Variants in RGS6 observed in about 807,000 individuals in gnomAD.
RGS6 encodes the protein regulator of G-protein signaling 6.
Under a neutral mutation model 78.5 loss-of-function variants are expected in RGS6, and 30 were observed. The observed-to-expected ratio is 0.38, with a 90% CI of 0.29 to 0.52. The LOEUF is 0.52. Among genes scored for constraint, RGS6 ranks in the 20% least tolerant of loss-of-function variants. The probability of loss-of-function intolerance (pLI) is 0.85; values close to 1 mark genes in which losing one functional copy is unlikely to be tolerated. For missense variants in RGS6, 495 were observed against 609.7 expected (o/e 0.81, Z 1.98); for synonymous variants, 206 against 206.0 (o/e 1.00, Z 0.00).
chr14:71,936,722 GT>G (rs1278847743), intron 1 of RGS6, among the ~76,000 whole-genome samples: 1 of 152,006 alleles, frequency 6.6e-6, no homozygotes, highest in Non-Finnish European at 1.5e-5. Context: ...TAAATCTTAT[GT>G]CACATGATAA....
chr14:72,037,665 C>T (rs2091906924), intron 2 of RGS6, among the ~76,000 whole-genome samples: 1 of 151,850 alleles, frequency 6.6e-6, no homozygotes, highest in South Asian at 2.1e-4. Flanking sequence ...GATGAATTGC[C>T]TCTGCAAATT....
the RGS6 span, among the ~76,000 whole-genome samples, chr14:72,613,299 C>G: frequency 6.6e-6 from 1 of 152,148 alleles, no homozygotes; most frequent in Non-Finnish European, 1.5e-5. Context: ...ATTTGCTAGA[C>G]AGGGTTGGTG....
intron 1 of RGS6, among the ~76,000 whole-genome samples, chr14:71,949,690 C>A (rs544347549): frequency 8.0e-4 from 121 of 151,396 alleles, no homozygotes; most frequent in Non-Finnish European, 1.5e-3. Context: ...CAGTCTCTTT[C>A]TTTATGGTTA....
chr14:72,203,817 C>T (rs112964195), intron 2 of RGS6, among the ~76,000 whole-genome samples: 2 of 116,996 alleles, frequency 1.7e-5, no homozygotes, highest in African/African-American at 6.8e-5. Flanking sequence ...ACCTTTCTTT[C>T]TTTCTTTTTT....
At chr14:72,090,903 ATT>A (rs1293330519) in intron 2 of RGS6, among the ~76,000 whole-genome samples, 1 of 152,046 alleles carries the variant, frequency 6.6e-6, no homozygotes, top group Non-Finnish European at 1.5e-5. Flanking sequence ...AGTAGCTCTC[ATT>A]TCCAGGGCCC....
At chr14:72,537,168 A>G (rs982623857) in intron 16 of RGS6, among the ~76,000 whole-genome samples, 1 of 152,012 alleles carries the variant, frequency 6.6e-6, no homozygotes, top group African/African-American at 2.4e-5. Flanking sequence ...ACCAAACCCT[A>G]TGACTTCTGT....
intron 3 of RGS6, among the ~76,000 whole-genome samples, chr14:72,419,729 C>T (rs545042315): frequency 2.0e-5 from 3 of 152,122 alleles, no homozygotes; most frequent in African/African-American, 7.2e-5. Flanking sequence ...GAGAAAAGGG[C>T]AGGTGCTGAA....
chr14:72,283,066 T>C (rs943176302), intron 2 of RGS6, among the ~76,000 whole-genome samples: 2 of 152,238 alleles, frequency 1.3e-5, no homozygotes, highest in Non-Finnish European at 2.9e-5. Flanking sequence ...CTTAGCATAG[T>C]GTCCTCCAAG....
chr14:72,311,487 TA>T lies in RGS6; in HGVS notation c.85-40596del, dbSNP rs1340750294. Reference sequence around the variant, plus strand: ...GGCTGAAGGTTAAGTGAGCCTTTTGTAAAAAAAAAAAATAATAGGGAAGAAA... The same window carrying T: ...GGCTGAAGGTTAAGTGAGCCTTTTGTAAAAAAAAAAATAATAGGGAAGAAA... On this transcript the variant is annotated intron_variant, in intron 2 of 17. Transcript: ENST00000553525. Among the ~76,000 whole-genome samples the T allele has an allele frequency of 2.5e-3, 357 of 145,322 alleles. 1 individual carries two copies. The highest frequency in any genetic ancestry group is 5.6e-3 in the African/African-American group (225 of 40,000).
intron 2 of RGS6, among the ~76,000 whole-genome samples, chr14:72,077,313 A>G (rs1360302299): frequency 5.3e-5 from 8 of 152,248 alleles, no homozygotes; most frequent in Admixed American, 3.9e-4. Context: ...ATGGCTCTCT[A>G]TATAAAAAGG....
At chr14:72,322,155 C>A (rs114221064) in intron 2 of RGS6, among the ~76,000 whole-genome samples, 80 of 151,572 alleles carry the variant, frequency 5.3e-4, no homozygotes, top group African/African-American at 1.9e-3. Flanking sequence ...CTTCTACTCA[C>A]GAAATTAAAT....
intron 2 of RGS6, among the ~76,000 whole-genome samples, chr14:72,037,039 G>C (rs1026269642): frequency 6.6e-6 from 1 of 152,126 alleles, no homozygotes. Flanking sequence ...ACACCAATCA[G>C]CACTCTGTAA....
At chr14:72,550,622 C>G in intron 17 of RGS6, 1 of 1,527,978 alleles carries the variant, frequency 6.5e-7, no homozygotes, top group Non-Finnish European at 8.8e-7. Context: ...CTGGTTAATA[C>G]TAGAAGGTTC....
intron 2 of RGS6, among the ~76,000 whole-genome samples, chr14:72,059,973 G>T (rs1765936941): frequency 6.6e-6 from 1 of 152,178 alleles, no homozygotes; most frequent in African/African-American, 2.4e-5. Context: ...CTCTGCTGGA[G>T]TGTGCGTTGT....
At chr14:72,472,779 GC>G (rs2153325140) in intron 8 of RGS6, 92 bp from the exon 9 acceptor site, 2 of 863,906 alleles carry the variant, frequency 2.3e-6, no homozygotes, top group South Asian at 1.6e-5. Flanking sequence ...TGTTCACTTA[GC>G]CCCTAGCAAC....
intron 13 of RGS6, among the ~76,000 whole-genome samples, chr14:72,509,575 G>A (rs903680842): frequency 9.9e-5 from 15 of 152,130 alleles, no homozygotes; most frequent in African/African-American, 3.1e-4. Flanking sequence ...TGCTTGAGAC[G>A]GTGTCTAGCA....
chr14:72,066,471 G>T (rs1252050944), intron 2 of RGS6, among the ~76,000 whole-genome samples: 1 of 148,252 alleles, frequency 6.7e-6, no homozygotes, highest in African/African-American at 2.5e-5. Flanking sequence ...TATATATAAA[G>T]ATATATTTTA....
At chr14:72,362,976 GCCAGGTT>G (rs2081759374) in intron 3 of RGS6, among the ~76,000 whole-genome samples, 1 of 152,162 alleles carries the variant, frequency 6.6e-6, no homozygotes, top group Non-Finnish European at 1.5e-5. Flanking sequence ...TGACAAACAT[GCCAGGTT>G]TCAGTAAGTA....
rs570046189 is a variant in RGS6 at position 72,261,448 on chromosome 14, A to G, written c.85-90647A>G. ...ATTGAAGTTTTGATACGAAATTACT[A>G]TACTTTTAGTAAGTGAGTGAGTCTT... On this transcript the variant is annotated intron_variant, in intron 2 of 17. Transcript: ENST00000553525. Among the ~76,000 whole-genome samples, 5 of 151,824 alleles carry G rather than the reference A, an allele frequency of 3.3e-5. No homozygotes were observed. In the East Asian group the frequency reaches 9.7e-4, roughly 29 times the overall value.
Sources: allele counts gnomAD v4.1 joint callset (sites outside exome capture counted in the v4.1 genomes callset), GRCh38; gene constraint gnomAD v4.1.1; transcripts MANE v1.5; gene names NCBI Gene and HGNC (gene_info 2026-07-23, HGNC 2026-07-21).